OTOF: variants seen among roughly 807,000 people sequenced by gnomAD.
The protein encoded by OTOF is fer-1-like family member 2.
OTOF carries 218 observed loss-of-function variants against 236.8 expected under a neutral mutation model. The observed-to-expected ratio is 0.92, with a 90% confidence interval of 0.82 to 1.03. OTOF has a LOEUF of 1.03. OTOF is among the 50% of genes least tolerant of loss of function. The pLI is 0.00. For synonymous variants in OTOF, 1,041 were observed against 1,072.5 expected, an observed-to-expected ratio of 0.97 and a Z score of 0.57; for missense variants, 2,590 against 2,694.4, an observed-to-expected ratio of 0.96 and a Z score of 0.86.
At chr2:26,498,337 C>T (rs574459498) in intron 8 of OTOF, among the ~76,000 whole-genome samples, 1 of 152,270 alleles carries the variant, frequency 6.6e-6, no homozygotes, top group Admixed American at 6.5e-5. Context: ...AGGGCAGCCC[C>T]GAGAGGAAGC....
At chr2:26,544,341 C>A (rs962996156) in intron 1 of OTOF, among the ~76,000 whole-genome samples, 8 of 152,154 alleles carry the variant, frequency 5.3e-5, no homozygotes, top group Non-Finnish European at 7.4e-5. Context: ...CCTTTCCAGT[C>A]GATTTCTAGT....
At chr2:26,540,895 A>T (rs893548931) in intron 1 of OTOF, among the ~76,000 whole-genome samples, 1 of 152,244 alleles carries the variant, frequency 6.6e-6, no homozygotes, top group Admixed American at 6.5e-5. Flanking sequence ...CAAAAAAATC[A>T]ACAAGAAATA....
intron 30 of OTOF, 150 bp from the exon 31 acceptor site, chr2:26,471,300 T>G (rs1664965482): frequency 2.4e-6 from 2 of 818,058 alleles, no homozygotes; most frequent in African/African-American, 3.4e-5. Context: ...TTTGCATTAA[T>G]AAGAGCACTC....
At chr2:26,500,145 C>T (rs1207719713) in intron 8 of OTOF, among the ~76,000 whole-genome samples, 1 of 152,188 alleles carries the variant, frequency 6.6e-6, no homozygotes, top group African/African-American at 2.4e-5. Flanking sequence ...TATGGCCAGA[C>T]ACCCCTGGCC....
chr2:26,497,659 A>AGG (rs1666022157), intron 8 of OTOF, among the ~76,000 whole-genome samples: 1 of 152,034 alleles, frequency 6.6e-6, no homozygotes, highest in Non-Finnish European at 1.5e-5. Flanking sequence ...GAACATTGCC[A>AGG]GGAAAGGGGA....
intron 14 of OTOF, 52 bp from the exon 15 acceptor site, chr2:26,481,061 G>A: frequency 7.3e-7 from 1 of 1,377,300 alleles, no homozygotes; most frequent in Non-Finnish European, 1.0e-6. Flanking sequence ...CAGTTTCCCT[G>A]GGGAAGAGGG....
Position 26,495,662 on chromosome 2 carries a change from G to A in OTOF, c.766-589C>T, listed in dbSNP as rs111855509. Among the ~76,000 whole-genome samples the A allele has an allele frequency of 8.6e-3, 1,315 of 152,242 alleles. 20 individuals carry two copies. The highest frequency in any genetic ancestry group is 0.029 in the African/African-American group (1,198 of 41,524). Reference sequence around the variant, plus strand: ...GCTGTTCTCAAACTCCCGGCCTCAAGTGATCTGTCTGCCTCGGCCTCCCAA... The same window carrying A: ...GCTGTTCTCAAACTCCCGGCCTCAAATGATCTGTCTGCCTCGGCCTCCCAA... On this transcript the variant is annotated intron_variant, in intron 8 of 46. Coordinates refer to ENST00000272371, the MANE Select transcript of OTOF (RefSeq NM_194248.3).
intron 46 of OTOF, among the ~76,000 whole-genome samples, chr2:26,459,574 A>AAAAAAG (rs1354689269): frequency 6.6e-6 from 1 of 151,130 alleles, no homozygotes; most frequent in Non-Finnish European, 1.5e-5. Context: ...AAAAAAAAAA[A>AAAAAAG]AATTGGGTTA....
intron 5 of OTOF, among the ~76,000 whole-genome samples, chr2:26,515,066 C>T (rs1175348187): frequency 4.6e-5 from 7 of 152,236 alleles, no homozygotes; most frequent in African/African-American, 9.6e-5. Flanking sequence ...ACATGGGCAG[C>T]GCTCAGCACC....
At chr2:26,521,495 C>A (rs1165655696) in intron 3 of OTOF, among the ~76,000 whole-genome samples, 1 of 152,206 alleles carries the variant, frequency 6.6e-6, no homozygotes, top group East Asian at 1.9e-4. Context: ...ACCTGAGAGA[C>A]CTTGTCCAGC....
chr2:26,490,035 G>A (rs1665802679), intron 9 of OTOF, among the ~76,000 whole-genome samples: 1 of 152,202 alleles, frequency 6.6e-6, no homozygotes, highest in African/African-American at 2.4e-5. Context: ...CTCAGAAGAG[G>A]CACAGGGCCA....
Position 26,502,363 on chromosome 2 carries a change from A to G in OTOF, c.647T>C (p.Leu216Pro). 1 of 1,613,982 alleles carries G rather than the reference A, an allele frequency of 6.2e-7. No homozygotes were observed. Among genetic ancestry groups the G allele is most frequent in the Non-Finnish European group, 8.5e-7 (1 of 1,179,896 alleles). The change falls in exon 7 of 47, where the codon CTG becomes CCG. Residue 216 changes from leucine (L) to proline (P), a missense_variant. By Grantham distance (98) the Leu-to-Pro change is moderately conservative (BLOSUM62 -3). Around this residue, in one of 2 missense-constraint regions of OTOF, gnomAD observed 1,379 missense variants for 1,341.6 expected, o/e 1.03. Coordinates refer to ENST00000272371, the MANE Select transcript of OTOF (RefSeq NM_194248.3). Reference protein sequence around the residue: ...DHLAIRLGDGLDPDSVSLASV... With the variant: ...DHLAIRLGDGPDPDSVSLASV... ...GGCTAGAGACACCGAGTCGGGATCC[A>G]GTCCATCTCCTAGCCGAATGGCCAG...
chr2:26,470,828 T>A lies in OTOF; in HGVS notation c.3895-107A>T. The A allele has an allele frequency of 6.5e-7, 1 of 1,541,808 alleles. No homozygotes were observed. Among genetic ancestry groups the A allele is most frequent in the Non-Finnish European group, 8.7e-7 (1 of 1,146,042 alleles). ...TGTCAGCAGGAAGCCTTGGGCTCCA[T>A]GAGGCTCTGTGGGGCCACCCATGTC... On this transcript the variant is annotated intron_variant, in intron 31 of 46. Coordinates refer to ENST00000272371, the MANE Select transcript of OTOF (RefSeq NM_194248.3). The surrounding 1 kb of genome is among the most constrained non-coding windows in gnomAD (Gnocchi z 4.3).
chr2:26,528,003 A>T, intron 2 of OTOF, 83 bp from the exon 3 acceptor site: 1 of 965,144 alleles, frequency 1.0e-6, no homozygotes, highest in East Asian at 2.4e-5. Context: ...TCTTGTGGGG[A>T]TCTCCAACAG....
intron 1 of OTOF, among the ~76,000 whole-genome samples, chr2:26,546,443 A>G (rs2148131406): frequency 6.6e-6 from 1 of 151,008 alleles, no homozygotes. Context: ...CCTGGGCAAC[A>G]AGAGTGAAAC....
chr2:26,496,237 CTTTT>C (rs397939432), intron 8 of OTOF, among the ~76,000 whole-genome samples: 1 of 140,378 alleles, frequency 7.1e-6, no homozygotes, highest in Non-Finnish European at 1.5e-5. Context: ...TGATTAATGG[CTTTT>C]TTTTTTTTTT....
In OTOF at chr2:26,473,237, G is replaced by A. The variant is rs397517945; in HGVS notation, c.3628C>T (p.Arg1210Trp). 9.3e-6 allele frequency: 15 copies of A among 1,613,260 alleles called. No homozygotes were observed. Among genetic ancestry groups the A allele is most frequent in the Admixed American group, 1.7e-5 (1 of 59,994 alleles). Residue 1210 changes from arginine (R) to tryptophan (W), a missense_variant, in exon 29 of 47, where the codon CGG (arginine) becomes TGG (tryptophan). Physicochemically the swap from Arg to Trp is moderately radical, Grantham distance 101 (BLOSUM62 -3). This residue lies in a region of OTOF where 1,211 missense variants were observed against 1,352.8 expected (regional missense o/e 0.90). Coordinates refer to ENST00000272371, the MANE Select transcript of OTOF (RefSeq NM_194248.3). The surrounding 1 kb of genome is among the most constrained non-coding windows in gnomAD (Gnocchi z 7.2). ...ACCAGTGTGTAGCGACCGAAGGCCC[G>A]GCAGTCCACCACACGGATGTTCAAG... ...PPLNIRVVDC[R>W]AFGRYTLVGS...
intron 5 of OTOF, among the ~76,000 whole-genome samples, chr2:26,514,021 C>T (rs912966796): frequency 2.0e-5 from 3 of 152,224 alleles, no homozygotes; most frequent in African/African-American, 4.8e-5. Flanking sequence ...TACAGGAAAA[C>T]CCCAAGTTCT....
intron 1 of OTOF, among the ~76,000 whole-genome samples, chr2:26,551,146 C>T (rs777226779): frequency 3.3e-5 from 5 of 152,116 alleles, no homozygotes; most frequent in South Asian, 2.1e-4. Context: ...TGCACCACCA[C>T]GCCCGGCTAA....
Sources: allele counts gnomAD v4.1 joint callset (sites outside exome capture counted in the v4.1 genomes callset), GRCh38; gene constraint gnomAD v4.1.1; regional missense constraint gnomAD v4.1.1; non-coding constraint Gnocchi (gnomAD v3.1); transcripts MANE v1.5; gene names NCBI Gene and HGNC (gene_info 2026-07-23, HGNC 2026-07-21).